The following ADCY8 variants were observed in gnomAD, a reference collection of about 807,000 sequenced individuals.
The protein encoded by ADCY8 is adenylate cyclase 8.
Under a neutral mutation model 119.7 loss-of-function variants are expected in ADCY8, and 51 were observed. That is an observed-to-expected ratio of 0.43 (90% CI 0.34 to 0.54). ADCY8 has a LOEUF of 0.54. ADCY8 is among the 20% of genes least tolerant of loss of function. The pLI, the probability that ADCY8 is intolerant of heterozygous loss-of-function variation, is 0.03. For missense variants in ADCY8, 1,383 were observed against 1,598.8 expected (o/e 0.87, Z 2.30); for synonymous variants, 665 against 651.0 (o/e 1.02, Z -0.33).
chr8:130,823,206 A>G lies in ADCY8; in HGVS notation c.2676-1786T>C, dbSNP rs140513753. Among the ~76,000 whole-genome samples, 601 of 152,068 alleles carry G rather than the reference A, an allele frequency of 4.0e-3. 3 individuals carry two copies. The highest frequency in any genetic ancestry group is 6.2e-3 in the Non-Finnish European group (419 of 68,012). On this transcript the variant is annotated intron_variant, in intron 12 of 17. Coordinates refer to ENST00000286355, the MANE Select transcript of ADCY8 (RefSeq NM_001115.3). ...GAAAGCAGTGATTGACCAAAAATAG[A>G]AAGATGACTAGACAAAACTCAGAAG... is the stretch of plus-strand genomic sequence containing the variant.
intron 2 of ADCY8, among the ~76,000 whole-genome samples, chr8:130,976,661 G>A (rs1822080878): frequency 6.6e-6 from 1 of 152,066 alleles, no homozygotes; most frequent in Non-Finnish European, 1.5e-5. Context: ...TTATCTTGAT[G>A]TGGAACTGAG....
At chr8:130,951,230 T>C (rs1332316723) in intron 3 of ADCY8, among the ~76,000 whole-genome samples, 2 of 152,306 alleles carry the variant, frequency 1.3e-5, no homozygotes, top group Non-Finnish European at 1.5e-5. Flanking sequence ...TTTCCCAAGA[T>C]CACAAACAAG....
chr8:131,020,067 G>T (rs1160528661), intron 1 of ADCY8, among the ~76,000 whole-genome samples: 1 of 152,012 alleles, frequency 6.6e-6, no homozygotes, highest in Non-Finnish European at 1.5e-5. Context: ...GTCTTTCAAA[G>T]AACTGAATGA....
At chr8:130,870,792 G>A (rs920844531) in intron 8 of ADCY8, among the ~76,000 whole-genome samples, 12 of 152,126 alleles carry the variant, frequency 7.9e-5, no homozygotes, top group Non-Finnish European at 1.5e-5. Context: ...ATTTTCTTCA[G>A]ATGGCAAATT....
chr8:130,874,759 CTT>C (rs1818497417), intron 8 of ADCY8, among the ~76,000 whole-genome samples: 1 of 152,100 alleles, frequency 6.6e-6, no homozygotes, highest in South Asian at 2.1e-4. Context: ...TCAAGAAAAA[CTT>C]TTAAAAACCT....
intron 15 of ADCY8, 36 bp downstream of exon 15, chr8:130,800,390 C>T (rs73715586): frequency 1.7e-5 from 27 of 1,612,828 alleles, no homozygotes; most frequent in Non-Finnish European, 2.2e-5. Flanking sequence ...CAACGATGCC[C>T]ATTTGTGATT....
chr8:130,803,714 C>T (rs1815854617), intron 14 of ADCY8, among the ~76,000 whole-genome samples: 1 of 152,208 alleles, frequency 6.6e-6, no homozygotes, highest in Non-Finnish European at 1.5e-5. Flanking sequence ...TGTTTTGGAT[C>T]ACACAGCTAG....
intron 1 of ADCY8, among the ~76,000 whole-genome samples, chr8:131,034,766 G>A (rs949568180): frequency 6.6e-6 from 1 of 152,058 alleles, no homozygotes; most frequent in Non-Finnish European, 1.5e-5. Flanking sequence ...AAACTAATTA[G>A]CCACTAGCTG....
chr8:130,998,963 G>A (rs755618738), intron 1 of ADCY8, among the ~76,000 whole-genome samples: 5 of 152,150 alleles, frequency 3.3e-5, no homozygotes, highest in Non-Finnish European at 7.4e-5. Context: ...CTCCCAAGTC[G>A]ATCTGCTGCG....
intron 13 of ADCY8, among the ~76,000 whole-genome samples, chr8:130,816,034 G>T (rs1816329199): frequency 6.6e-6 from 1 of 152,202 alleles, no homozygotes; most frequent in African/African-American, 2.4e-5. Context: ...ACAGTATGCT[G>T]CCCTGGTAAA....
chr8:130,791,900 G>A (rs527553766), intron 15 of ADCY8, among the ~76,000 whole-genome samples: 3 of 152,368 alleles, frequency 2.0e-5, no homozygotes, highest in Admixed American at 6.5e-5. Context: ...CATACAGCCT[G>A]CTGTGAAATT....
chr8:130,942,968 C>G (rs935248928), intron 4 of ADCY8, among the ~76,000 whole-genome samples: 3 of 152,136 alleles, frequency 2.0e-5, no homozygotes, highest in Admixed American at 1.3e-4. Context: ...CTAATTCATC[C>G]CAGATGGCCA....
chr8:131,006,767 T>C (rs1248790146), intron 1 of ADCY8, among the ~76,000 whole-genome samples: 1 of 152,138 alleles, frequency 6.6e-6, no homozygotes, highest in African/African-American at 2.4e-5. Context: ...TGTTTAGATC[T>C]CCATGAGAAA....
intron 6 of ADCY8, among the ~76,000 whole-genome samples, chr8:130,904,496 A>C (rs531614830): frequency 1.3e-5 from 2 of 152,166 alleles, no homozygotes; most frequent in East Asian, 3.8e-4. Context: ...CTGTCCTATC[A>C]TTTCAATCTT....
At chr8:131,018,636 C>G (rs978253558) in intron 1 of ADCY8, among the ~76,000 whole-genome samples, 8 of 152,170 alleles carry the variant, frequency 5.3e-5, no homozygotes, top group African/African-American at 1.9e-4. Flanking sequence ...CCTGCATTGT[C>G]TCTGTTTATG....
rs188280118 is a variant in ADCY8, at chr8:130,913,783, G to A, written c.1482-3917C>T. On this transcript the variant is annotated intron_variant, in intron 5 of 17. Transcript: ENST00000286355. ...ACTATCCTGACTGGCACAATCATGAGTCCCAATTGATGTTTTCCTTATTAC... is the reference window on the plus strand; with the variant it reads ...ACTATCCTGACTGGCACAATCATGAATCCCAATTGATGTTTTCCTTATTAC... 2.0e-5 allele frequency among the ~76,000 whole-genome samples: 3 copies of A among 152,306 alleles called. No homozygotes were observed. The East Asian group carries it at 5.8e-4, about 29-fold the overall frequency.
At chr8:130,789,778 A>G (rs2130066287) in intron 15 of ADCY8, among the ~76,000 whole-genome samples, 1 of 152,252 alleles carries the variant, frequency 6.6e-6, no homozygotes, top group Middle Eastern at 3.4e-3. Flanking sequence ...CCTTGCCTTA[A>G]AGCAGTGATT....
chr8:130,918,468 C>A (rs565606380), intron 5 of ADCY8, among the ~76,000 whole-genome samples: 1 of 152,194 alleles, frequency 6.6e-6, no homozygotes, highest in African/African-American at 2.4e-5. Flanking sequence ...AAATTCAGCC[C>A]ATAGCAGTGT....
intron 12 of ADCY8, among the ~76,000 whole-genome samples, chr8:130,830,974 TA>T (rs1297673606): frequency 5.9e-5 from 9 of 152,168 alleles, no homozygotes. Context: ...GGTGATCAGT[TA>T]GAATACATAA....
Sources: allele counts gnomAD v4.1 joint callset (sites outside exome capture counted in the v4.1 genomes callset), GRCh38; gene constraint gnomAD v4.1.1; transcripts MANE v1.5; gene names NCBI Gene and HGNC (gene_info 2026-07-23, HGNC 2026-07-21).